Variants in BRAF observed in about 807,000 individuals in gnomAD.
The protein encoded by BRAF is B-Raf proto-oncogene, serine/threonine kinase.
A neutral mutation model predicts 104.6 loss-of-function variants in BRAF; 16 were observed. The ratio of observed to expected loss-of-function variants is 0.15; its 90% CI spans 0.10 to 0.23. The LOEUF is 0.23. Among genes scored for constraint, BRAF ranks in the 10% least tolerant of loss-of-function variants. BRAF has a pLI of 1.00. For missense variants in BRAF, 541 were observed against 937.3 expected (o/e 0.58, Z 5.52); for synonymous variants, 310 against 341.6 (o/e 0.91, Z 1.02).
intron 17 of BRAF, chr7:140,740,194 G>T: frequency 2.1e-6 from 1 of 471,234 alleles, no homozygotes; most frequent in Admixed American, 3.4e-5. Flanking sequence ...CCCTGCTTTT[G>T]GTCTCTCTTT....
At chr7:140,844,036 A>T (rs947384020) in intron 2 of BRAF, among the ~76,000 whole-genome samples, 9 of 152,146 alleles carry the variant, frequency 5.9e-5, no homozygotes, top group African/African-American at 9.6e-5. Context: ...AATAAAAATT[A>T]AAAAATTCTA....
chr7:140,912,160 G>GA (rs1382914336), intron 1 of BRAF, among the ~76,000 whole-genome samples: 4 of 151,876 alleles, frequency 2.6e-5, no homozygotes, highest in South Asian at 4.2e-4. Flanking sequence ...TCTCTTAAAG[G>GA]AAAAAAAATT....
chr7:140,810,163 T>C (rs1240170678), intron 3 of BRAF, among the ~76,000 whole-genome samples: 1 of 152,042 alleles, frequency 6.6e-6, no homozygotes. Context: ...TAAAGGTAAA[T>C]ATAAGACAGC....
chr7:140,843,280 C>G (rs1423573298), intron 2 of BRAF, among the ~76,000 whole-genome samples: 1 of 152,204 alleles, frequency 6.6e-6, no homozygotes, highest in Non-Finnish European at 1.5e-5. Flanking sequence ...TCTCTGTTCT[C>G]TGCTTTCTGC....
intron 10 of BRAF, among the ~76,000 whole-genome samples, chr7:140,784,176 A>G (rs1053144128): frequency 2.6e-5 from 4 of 152,246 alleles, no homozygotes; most frequent in African/African-American, 9.6e-5. Flanking sequence ...TAAGGAAAAA[A>G]AGAGCCACTA....
At chr7:140,826,381 A>C (rs1214126684) in intron 3 of BRAF, among the ~76,000 whole-genome samples, 4 of 152,202 alleles carry the variant, frequency 2.6e-5, no homozygotes, top group Non-Finnish European at 5.9e-5. Context: ...AAAATTTCAG[A>C]CAGAAAATCT....
In BRAF at chr7:140,721,136, A is replaced by T; in HGVS notation, c.*5358T>A. ...GCTTACATTGGCTGTGTCCTCATAC[A>T]CACTCGTCAAGTCACTATAATTATT... On this transcript the variant is annotated 3_prime_UTR_variant, in exon 20 of 20. Transcript: ENST00000644969. 1 of 1,063,966 alleles carries T rather than the reference A, an allele frequency of 9.4e-7. No individual in the cohort carries two copies. The highest frequency in any genetic ancestry group is 1.1e-6 in the Non-Finnish European group (1 of 878,070). 65.9% of individuals were successfully genotyped at this position (1,063,966 alleles called of 1,614,324 possible).
rs529006716 is a variant in BRAF at position 140,786,193 on chromosome 7, A to G, written c.1178-385T>C. Reference sequence around the variant, plus strand: ...CATGAAATAACAAACAGGAAAAAAAAAGCTTGTGTAACTATGTGCTAACAT... The same window carrying G: ...CATGAAATAACAAACAGGAAAAAAAGAGCTTGTGTAACTATGTGCTAACAT... On this transcript the variant is annotated intron_variant, in intron 9 of 19. Coordinates refer to ENST00000644969, the MANE Select transcript of BRAF (RefSeq NM_001374258.1). Among the ~76,000 whole-genome samples, 3 of 152,352 alleles carry G rather than the reference A, an allele frequency of 2.0e-5. No individual in the cohort carries two copies. The East Asian group carries it at 5.8e-4, about 29-fold the overall frequency.
intron 2 of BRAF, among the ~76,000 whole-genome samples, chr7:140,842,487 A>G (rs1263993056): frequency 6.6e-6 from 1 of 152,196 alleles, no homozygotes; most frequent in Admixed American, 6.5e-5. Flanking sequence ...GTTAGGACTC[A>G]GCTGTAGGGT....
At chr7:140,831,099 T>C (rs1157892794) in intron 3 of BRAF, among the ~76,000 whole-genome samples, 2 of 152,022 alleles carry the variant, frequency 1.3e-5, no homozygotes. Context: ...TATACCTGGG[T>C]AGATAGTGTC....
At position 140,719,904 on chromosome 7, in the gene BRAF, G is replaced by C. The variant is rs1239696267; in HGVS notation, c.*6590C>G. 2 of 1,062,536 alleles carry C rather than the reference G, an allele frequency of 1.9e-6. No individual in the cohort carries two copies. The highest frequency in any genetic ancestry group is 2.3e-6 in the Non-Finnish European group (2 of 877,628). The allele number at this position is 1,062,536 out of a possible 1,614,324, so 65.8% of individuals were successfully genotyped here. ...AACCTTTGGCAGTAACAGAAAAGAG[G>C]AATGTGTGTGTGAGTCGCCATAAGG... is the stretch of plus-strand genomic sequence containing the variant. On this transcript the variant is annotated 3_prime_UTR_variant, in exon 20 of 20. Coordinates refer to ENST00000644969, the MANE Select transcript of BRAF (RefSeq NM_001374258.1).
At position 140,809,004 on chromosome 7, in the gene BRAF, T is replaced by C; in HGVS notation, c.505-9A>G. On this transcript the variant is annotated splice_polypyrimidine_tract_variant and intron_variant, in intron 3 of 19. Coordinates refer to ENST00000644969, the MANE Select transcript of BRAF (RefSeq NM_001374258.1). ...CCACACCTTGCAGGTACCTATGGTATCATAAATATATTGATAAGAGGTAAA... is the reference window on the plus strand; with the variant it reads ...CCACACCTTGCAGGTACCTATGGTACCATAAATATATTGATAAGAGGTAAA... 1 of 1,598,080 alleles carries C rather than the reference T, an allele frequency of 6.3e-7. No homozygotes were observed.
chr7:140,855,410 C>A (rs1439710677), intron 1 of BRAF, among the ~76,000 whole-genome samples: 1 of 151,916 alleles, frequency 6.6e-6, no homozygotes, highest in African/African-American at 2.4e-5. Flanking sequence ...AATAACTGAT[C>A]ATTTTTAGTG....
chr7:140,857,854 A>T (rs897856033), intron 1 of BRAF, among the ~76,000 whole-genome samples: 2 of 152,212 alleles, frequency 1.3e-5, no homozygotes, highest in African/African-American at 4.8e-5. Context: ...ATGCAAAAAC[A>T]AACAAATAAA....
In BRAF at chr7:140,764,543, A is replaced by G. The variant is rs1330038941; in HGVS notation, c.1815-10310T>C. 3.3e-5 allele frequency among the ~76,000 whole-genome samples: 5 copies of G among 151,762 alleles called. No homozygotes were observed. In the East Asian group the frequency reaches 5.8e-4, roughly 18 times the overall value. On this transcript the variant is annotated intron_variant, in intron 14 of 19. Transcript: ENST00000644969. The stretch of plus-strand genomic sequence containing the variant: ...GCAGACGACATGATTGTATATCTAG[A>G]AAACCCCACTGTCTCAGCCCAAAAT...
chr7:140,882,763 C>T (rs1462638049), intron 1 of BRAF, among the ~76,000 whole-genome samples: 6 of 151,866 alleles, frequency 4.0e-5, no homozygotes, highest in Non-Finnish European at 5.9e-5. Flanking sequence ...GAGGCCGAGG[C>T]GGGTGGATCA....
chr7:140,819,784 T>A (rs772921703), intron 3 of BRAF, among the ~76,000 whole-genome samples: 1 of 152,098 alleles, frequency 6.6e-6, no homozygotes, highest in African/African-American at 2.4e-5. Context: ...AATAGGCAAA[T>A]CTATAGAGAT....
chr7:140,875,685 T>C (rs1812162355), intron 1 of BRAF, among the ~76,000 whole-genome samples: 1 of 152,096 alleles, frequency 6.6e-6, no homozygotes, highest in Non-Finnish European at 1.5e-5. Flanking sequence ...GCCTAAAAAT[T>C]ATCTTGAAAA....
intron 3 of BRAF, among the ~76,000 whole-genome samples, chr7:140,811,493 C>T (rs887224704): frequency 2.0e-5 from 3 of 152,058 alleles, no homozygotes; most frequent in South Asian, 4.1e-4. Context: ...TGTTAGACAA[C>T]CCAGCAGGGA....
Sources: allele counts gnomAD v4.1 joint callset (sites outside exome capture counted in the v4.1 genomes callset), GRCh38; gene constraint gnomAD v4.1.1; transcripts MANE v1.5; gene names NCBI Gene and HGNC (gene_info 2026-07-23, HGNC 2026-07-21).